The following NLGN1 variants were observed in gnomAD, a reference collection of about 807,000 sequenced individuals.
NLGN1 encodes the protein neuroligin 1.
In NLGN1, 12 loss-of-function variants were observed where a neutral mutation model predicts 65.5. That is an observed-to-expected ratio of 0.18 (90% CI 0.12 to 0.30). NLGN1 has a LOEUF of 0.30. Among genes scored for constraint, NLGN1 ranks in the 10% least tolerant of loss-of-function variants. The pLI is 1.00. For missense variants in NLGN1, 750 were observed against 1,007.1 expected, an observed-to-expected ratio of 0.74 and a Z score of 3.46; for synonymous variants, 350 against 359.5, an observed-to-expected ratio of 0.97 and a Z score of 0.30.
chr3:173,755,920 G>A (rs1294465196), intron 3 of NLGN1, among the ~76,000 whole-genome samples: 1 of 151,980 alleles, frequency 6.6e-6, no homozygotes, highest in African/African-American at 2.4e-5. Context: ...AACTAATGAT[G>A]TTATATATTG....
chr3:173,944,716 C>T (rs559708707), intron 4 of NLGN1, among the ~76,000 whole-genome samples: 74 of 152,262 alleles, frequency 4.9e-4, no homozygotes, highest in African/African-American at 1.7e-3. Context: ...TCATGCCTAG[C>T]TTTTTGAGTA....
At chr3:173,948,710 T>C (rs1214659601) in intron 4 of NLGN1, among the ~76,000 whole-genome samples, 1 of 152,220 alleles carries the variant, frequency 6.6e-6, no homozygotes, top group African/African-American at 2.4e-5. Context: ...ATTTACGTGA[T>C]ATTTGTCTCA....
chr3:174,127,597 C>T (rs1719219598), intron 4 of NLGN1, among the ~76,000 whole-genome samples: 1 of 152,104 alleles, frequency 6.6e-6, no homozygotes, highest in Admixed American at 6.6e-5. Flanking sequence ...ATGTCACCCT[C>T]CCCATGCATC....
intron 3 of NLGN1, among the ~76,000 whole-genome samples, chr3:173,640,774 A>G (rs1757291630): frequency 1.3e-5 from 2 of 152,148 alleles, no homozygotes; most frequent in Admixed American, 1.3e-4. Flanking sequence ...TTTTATGGCC[A>G]AGTCCAAACG....
At chr3:173,529,819 G>A (rs573680590) in intron 2 of NLGN1, among the ~76,000 whole-genome samples, 5 of 152,238 alleles carry the variant, frequency 3.3e-5, no homozygotes, top group Middle Eastern at 3.4e-3. Flanking sequence ...GGATGTGCGT[G>A]AGGCTGGGTA....
chr3:173,737,863 A>G (rs1489363407), intron 3 of NLGN1, among the ~76,000 whole-genome samples: 2 of 152,040 alleles, frequency 1.3e-5, no homozygotes, highest in Non-Finnish European at 2.9e-5. Context: ...ATCATTTTAC[A>G]TTCTCACCAG....
At position 173,707,652 on chromosome 3, in the gene NLGN1, T is replaced by C. The variant is rs16829883; in HGVS notation, c.494-100028T>C. On this transcript the variant is annotated intron_variant, in intron 3 of 6. Coordinates refer to ENST00000457714, the Ensembl canonical transcript of NLGN1. ...GACAGGATTCCAGATGTAAATTTTG[T>C]GACCATATGCATCCATCAGAAATTA... 4.3e-4 allele frequency among the ~76,000 whole-genome samples: 65 copies of C among 152,270 alleles called. No individual in the cohort carries two copies. In the East Asian group the frequency reaches 0.012, roughly 29 times the overall value.
intron 3 of NLGN1, among the ~76,000 whole-genome samples, chr3:173,703,495 T>C (rs1346500817): frequency 6.6e-6 from 1 of 152,204 alleles, no homozygotes; most frequent in Non-Finnish European, 1.5e-5. Flanking sequence ...GAATCTCTGT[T>C]TTACTAACGT....
chr3:173,908,745 A>G (rs1247211397), intron 4 of NLGN1, among the ~76,000 whole-genome samples: 1 of 152,264 alleles, frequency 6.6e-6, no homozygotes, highest in Admixed American at 6.5e-5. Context: ...GACACTGCTT[A>G]TAAACAACTA....
chr3:173,614,397 A>G (rs564894272), intron 3 of NLGN1, among the ~76,000 whole-genome samples: 1 of 152,224 alleles, frequency 6.6e-6, no homozygotes, highest in Non-Finnish European at 1.5e-5. Flanking sequence ...TCTTGGGAAC[A>G]GGTATGTTCT....
chr3:174,286,966 T>A (rs1159875872), downstream of NLGN1, among the ~76,000 whole-genome samples: 2 of 151,512 alleles, frequency 1.3e-5, no homozygotes, highest in Non-Finnish European at 3.0e-5. Flanking sequence ...CAATTTTAAA[T>A]TAATGACTTT....
At chr3:173,586,593 A>G (rs982842291) in intron 2 of NLGN1, among the ~76,000 whole-genome samples, 1 of 152,226 alleles carries the variant, frequency 6.6e-6, no homozygotes, top group Non-Finnish European at 1.5e-5. Context: ...TAAAGTGGAA[A>G]AGGTAGATAT....
At chr3:173,931,737 G>A (rs1744123068) in intron 4 of NLGN1, among the ~76,000 whole-genome samples, 1 of 152,120 alleles carries the variant, frequency 6.6e-6, no homozygotes, top group African/African-American at 2.4e-5. Context: ...GAGAGGAAAT[G>A]TGAAAAGATT....
At chr3:174,069,883 G>T (rs1384208566) in intron 4 of NLGN1, among the ~76,000 whole-genome samples, 2 of 152,198 alleles carry the variant, frequency 1.3e-5, no homozygotes, top group East Asian at 3.8e-4. Context: ...CTGACTACTT[G>T]TGTGAACTGG....
rs1344887956 is a variant in NLGN1 at position 173,510,824 on chromosome 3, G to T, written c.-321+75746G>T. Among the ~76,000 whole-genome samples the T allele has an allele frequency of 1.3e-5, 2 of 152,156 alleles. 1 individual carries two copies. Among genetic ancestry groups the T allele is most frequent in the Non-Finnish European group, 2.9e-5 (2 of 68,032 alleles). On this transcript the variant is annotated intron_variant, in intron 2 of 6. Transcript: ENST00000457714. ...ATCACATGTAGGATGTATGCTGTGG[G>T]TCCTGTCTGGAAATGAATGTGGAAA...
In NLGN1 at chr3:173,745,986, C is replaced by A. The variant is rs554232711; in HGVS notation, c.494-61694C>A. On this transcript the variant is annotated intron_variant, in intron 3 of 6. Transcript: ENST00000457714. Reference sequence around the variant, plus strand: ...GGACACTGGACTTACTCAAAACTACCTTAGTGTTCACTGAATGCCCTCTCT... The same window carrying A: ...GGACACTGGACTTACTCAAAACTACATTAGTGTTCACTGAATGCCCTCTCT... 2.2e-4 allele frequency among the ~76,000 whole-genome samples: 33 copies of A among 152,134 alleles called. No homozygotes were observed. The South Asian group carries it at 6.6e-3, about 31-fold the overall frequency.
chr3:174,010,250 A>G (rs1189604734), intron 4 of NLGN1, among the ~76,000 whole-genome samples: 2 of 152,204 alleles, frequency 1.3e-5, no homozygotes, highest in Non-Finnish European at 1.5e-5. Context: ...CATAAATGCA[A>G]TTAGCCATTT....
intron 4 of NLGN1, among the ~76,000 whole-genome samples, chr3:174,097,417 G>T (rs2152570393): frequency 6.6e-6 from 1 of 152,248 alleles, no homozygotes; most frequent in African/African-American, 2.4e-5. Context: ...ACTGTGGATT[G>T]TCAAAGGGAA....
At chr3:173,630,759 A>G (rs1457077142) in intron 3 of NLGN1, among the ~76,000 whole-genome samples, 1 of 152,170 alleles carries the variant, frequency 6.6e-6, no homozygotes. Flanking sequence ...TTAATACAGA[A>G]CAATATTCTT....
Sources: gnomAD v4.1 joint callset for allele counts (sites outside exome capture counted in the v4.1 genomes callset) on GRCh38, gnomAD v4.1.1 for gene constraint, MANE v1.5 for transcripts, NCBI Gene and HGNC (gene_info 2026-07-23, HGNC 2026-07-21) for gene names.